Variants in AP1M1 observed in about 807,000 individuals in gnomAD.
AP1M1 encodes AP-1 complex subunit mu-1.
In AP1M1, 18 loss-of-function variants were observed where a neutral mutation model predicts 57.1. The ratio of observed to expected loss-of-function variants is 0.32; its 90% CI spans 0.22 to 0.47. The LOEUF (loss-of-function observed/expected upper bound fraction) is 0.47, where lower values mean the gene tolerates loss of function less well. Among genes scored for constraint, AP1M1 ranks in the 20% least tolerant of loss-of-function variants. The pLI is 1.00. For missense variants in AP1M1, 362 were observed against 593.5 expected, an observed-to-expected ratio of 0.61 and a Z score of 4.05; for synonymous variants, 241 against 237.9, an observed-to-expected ratio of 1.01 and a Z score of -0.12.
intron 5 of AP1M1, among the ~76,000 whole-genome samples, chr19:16,209,991 C>A (rs926441926): frequency 7.9e-5 from 12 of 152,324 alleles, no homozygotes; most frequent in Non-Finnish European, 1.5e-4. Flanking sequence ...CTCCCCTCTT[C>A]CCCATTTCCT....
chr19:16,197,975 T>TCTCTGCCGCCGCCACCGCCCTCGGC lies in AP1M1; in HGVS notation c.-51_-50insTCTGCCGCCGCCACCGCCCTCGGCC. 1 of 1,451,814 alleles carries TCTCTGCCGCCGCCACCGCCCTCGGC rather than the reference T, an allele frequency of 6.9e-7. No individual in the cohort carries two copies. The highest frequency in any genetic ancestry group is 9.2e-7 in the Non-Finnish European group (1 of 1,087,930). The allele number at this position is 1,451,814 out of a possible 1,614,324, so 89.9% of individuals were successfully genotyped here. On this transcript the variant is annotated 5_prime_UTR_variant, in exon 1 of 12. Coordinates refer to ENST00000291439, the MANE Select transcript of AP1M1 (RefSeq NM_032493.4). ...GCTCAACGCCCAGCAGTCCCCACCG[T>TCTCTGCCGCCGCCACCGCCCTCGGC]CGCTGCCGCCGCCACCGCCCTCGGC... is the stretch of plus-strand genomic sequence containing the variant.
In AP1M1 at chr19:16,203,268, G is replaced by C. The variant is rs2091456056; in HGVS notation, c.43-191G>C. 1.3e-5 allele frequency among the ~76,000 whole-genome samples: 2 copies of C among 152,332 alleles called. No individual in the cohort carries two copies. Among genetic ancestry groups the C allele is most frequent in the Middle Eastern group, 3.4e-3 (1 of 294 alleles). ...TGGCCCCTGTGGGCATTCACACTGGGAGATGCTCTTCTCCAGGAATTCCCT... is the reference window on the plus strand; with the variant it reads ...TGGCCCCTGTGGGCATTCACACTGGCAGATGCTCTTCTCCAGGAATTCCCT... On this transcript the variant is annotated intron_variant, in intron 1 of 11. Coordinates refer to ENST00000291439, the MANE Select transcript of AP1M1 (RefSeq NM_032493.4). This position sits in a 1 kb window ranked among gnomAD's most constrained non-coding sequence, Gnocchi z 4.6.
chr19:16,229,319 A>G (rs285277), intron 9 of AP1M1, among the ~76,000 whole-genome samples: 114,862 of 152,204 alleles, frequency 0.75, 43,524 homozygotes, highest in Non-Finnish European at 0.8. Context: ...GCCTGCCATC[A>G]AGGGGAACGG....
At chr19:16,220,860 T>C (rs554090098) in intron 5 of AP1M1, among the ~76,000 whole-genome samples, 2 of 152,366 alleles carry the variant, frequency 1.3e-5, no homozygotes, top group Admixed American at 1.3e-4. Context: ...TAATATGTTA[T>C]ACCACTTCCT....
chr19:16,218,394 CTT>C (rs2091528037), intron 5 of AP1M1, among the ~76,000 whole-genome samples: 1 of 152,202 alleles, frequency 6.6e-6, no homozygotes, highest in Admixed American at 6.5e-5. Flanking sequence ...TCGAGGGGTC[CTT>C]CCTGCCGGGA....
At position 16,201,789 on chromosome 19, in the gene AP1M1, G is replaced by A. The variant is rs536701221; in HGVS notation, c.43-1670G>A. Among the ~76,000 whole-genome samples the A allele has an allele frequency of 2.6e-5, 4 of 152,336 alleles. No individual in the cohort carries two copies. The South Asian group carries it at 8.3e-4, about 32-fold the overall frequency. ...GCAAAGGCCCGAGGTGGGAACAGATGTGGATCACTCAGAGACCAGCTAAGG... is the reference window on the plus strand; with the variant it reads ...GCAAAGGCCCGAGGTGGGAACAGATATGGATCACTCAGAGACCAGCTAAGG... On this transcript the variant is annotated intron_variant, in intron 1 of 11. Coordinates refer to ENST00000291439, the MANE Select transcript of AP1M1 (RefSeq NM_032493.4).
At chr19:16,208,206 G>A (rs748476773) in intron 4 of AP1M1, 57 bp downstream of exon 4, 78 of 1,533,540 alleles carry the variant, frequency 5.1e-5, no homozygotes, top group African/African-American at 1.4e-4. Context: ...TGACATCGAC[G>A]TCATCAGGTG....
Position 16,244,257 on chromosome 19 carries a change from A to G in AP1M1, c.*9822A>G, listed in dbSNP as rs528867938. On this transcript the variant is annotated 3_prime_UTR_variant, in exon 12 of 12. Coordinates refer to ENST00000291439, the MANE Select transcript of AP1M1 (RefSeq NM_032493.4). ...TCAGAGACCCAGCAAAAGTATTTCA[A>G]GAATGAGGTTACAGTAAAAACATTT... is the stretch of plus-strand genomic sequence containing the variant. The G allele has an allele frequency of 6.6e-6, 1 of 152,372 alleles. No individual in the cohort carries two copies. The highest frequency in any genetic ancestry group is 2.1e-4 in the South Asian group (1 of 4,832). 9.4% of individuals were successfully genotyped at this position (152,372 alleles called of 1,614,324 possible). A position where few individuals can be genotyped will look rare whatever the true frequency, so the allele number is the denominator to read the frequency against.
At chr19:16,229,729 G>A (rs1314756366) in intron 9 of AP1M1, among the ~76,000 whole-genome samples, 1 of 152,184 alleles carries the variant, frequency 6.6e-6, no homozygotes, top group Admixed American at 6.5e-5. Context: ...GAAAGTAGAG[G>A]AAGGAGAGAG....
intron 1 of AP1M1, 108 bp downstream of exon 1, chr19:16,198,176 G>T: frequency 7.7e-7 from 1 of 1,297,090 alleles, no homozygotes. Context: ...CCATCCTGGT[G>T]TGAGGCAGAG....
intron 1 of AP1M1, among the ~76,000 whole-genome samples, chr19:16,201,527 T>C (rs955182587): frequency 6.7e-6 from 1 of 148,692 alleles, no homozygotes; most frequent in African/African-American, 2.5e-5. Flanking sequence ...GCCTCCCAAG[T>C]AGCTGGGACT....
intron 1 of AP1M1, among the ~76,000 whole-genome samples, chr19:16,200,236 C>T (rs2091441443): frequency 6.6e-6 from 1 of 152,166 alleles, no homozygotes; most frequent in African/African-American, 2.4e-5. Flanking sequence ...GTTGCTCAAC[C>T]TCATCTTTAG....
intron 5 of AP1M1, among the ~76,000 whole-genome samples, chr19:16,219,222 A>G (rs2091531731): frequency 6.6e-6 from 1 of 152,112 alleles, no homozygotes; most frequent in Non-Finnish European, 1.5e-5. Flanking sequence ...CATTCCTGGA[A>G]TAAAATCCCA....
rs1276854920 is a variant in AP1M1, at chr19:16,226,598, C to T, written c.673+51C>T. On this transcript the variant is annotated intron_variant, in intron 6 of 11. Coordinates refer to ENST00000291439, the MANE Select transcript of AP1M1 (RefSeq NM_032493.4). ...CCCATGAGGATGGCCTCACCAGGCA[C>T]ACACATTACAGCCTAGGGCAGGGTT... 2.0e-6 allele frequency: 3 copies of T among 1,538,194 alleles called. No homozygotes were observed. The South Asian group carries it at 3.5e-5, about 18-fold the overall frequency.
Position 16,197,975 on chromosome 19 carries a change from T to TCGCTGCAGCCGCCACCGCCCTCGGC in AP1M1, c.-46_-45insAGCCGCCACCGCCCTCGGCCGCTGC. On this transcript the variant is annotated 5_prime_UTR_variant, in exon 1 of 12. Coordinates refer to ENST00000291439, the MANE Select transcript of AP1M1 (RefSeq NM_032493.4). Reference sequence around the variant, plus strand: ...GCTCAACGCCCAGCAGTCCCCACCGTCGCTGCCGCCGCCACCGCCCTCGGC... The same window carrying TCGCTGCAGCCGCCACCGCCCTCGGC: ...GCTCAACGCCCAGCAGTCCCCACCGTCGCTGCAGCCGCCACCGCCCTCGGCCGCTGCCGCCGCCACCGCCCTCGGC... 2.8e-6 allele frequency: 4 copies of TCGCTGCAGCCGCCACCGCCCTCGGC among 1,451,816 alleles called. No individual in the cohort carries two copies. The highest frequency in any genetic ancestry group is 1.3e-5 in the South Asian group (1 of 77,828). 89.9% of individuals were successfully genotyped at this position (1,451,816 alleles called of 1,614,324 possible). A position where few individuals can be genotyped will look rare whatever the true frequency, so the allele number is the denominator to read the frequency against.
At chr19:16,212,278 G>A (rs1041170930) in intron 5 of AP1M1, among the ~76,000 whole-genome samples, 1 of 152,044 alleles carries the variant, frequency 6.6e-6, no homozygotes, top group African/African-American at 2.4e-5. Flanking sequence ...CAATTTTGGA[G>A]CTCATTATTG....
chr19:16,233,518 C>A lies in AP1M1; in HGVS notation c.1073C>A (p.Ala358Asp). 1 of 1,604,480 alleles carries A rather than the reference C, an allele frequency of 6.2e-7. No individual in the cohort carries two copies. The highest frequency in any genetic ancestry group is 8.5e-7 in the Non-Finnish European group (1 of 1,175,974). Residue 358 changes from alanine to aspartate, a missense_variant, in exon 10 of 12, where the codon GCC (alanine) becomes GAC (aspartate). By Grantham distance (126) the Ala-to-Asp change is moderately radical. Transcript: ENST00000291439. ...FPGGKEYLMRAHFGLPSVEAE... is the reference protein window; with the variant it reads ...FPGGKEYLMRDHFGLPSVEAE... ...GGCGGCAAGGAGTACCTGATGCGGG[C>A]CCACTTCGGCCTGCCTAGTGTGGAG...
At chr19:16,230,635 G>C (rs1277788152) in intron 9 of AP1M1, among the ~76,000 whole-genome samples, 2 of 152,140 alleles carry the variant, frequency 1.3e-5, no homozygotes, top group South Asian at 2.1e-4. Flanking sequence ...TCCTGACCTT[G>C]TGATCCGCCT....
At position 16,209,011 on chromosome 19, in the gene AP1M1, T is replaced by TG. The variant is rs1333639247; in HGVS notation, c.399-18dup. On this transcript the variant is annotated intron_variant, in intron 4 of 11. Transcript: ENST00000291439. ...GGTGCGGGTACCACCTCCTTCACTC[T>TG]GAGCGTGTGGCCCCACAGGTACATC... 2 of 1,609,830 alleles carry TG rather than the reference T, an allele frequency of 1.2e-6. No homozygotes were observed. The highest frequency in any genetic ancestry group is 2.7e-5 in the African/African-American group (2 of 74,842).
Sources: allele counts gnomAD v4.1 joint callset (sites outside exome capture counted in the v4.1 genomes callset), GRCh38; gene constraint gnomAD v4.1.1; non-coding constraint Gnocchi (gnomAD v3.1); transcripts MANE v1.5; gene names NCBI Gene and HGNC (gene_info 2026-07-23, HGNC 2026-07-21).